TDRD7: variants seen among roughly 807,000 people sequenced by gnomAD.
TDRD7 encodes the protein tudor domain-containing protein 7.
Under a neutral mutation model 109.8 loss-of-function variants are expected in TDRD7, and 47 were observed. The observed-to-expected ratio is 0.43, with a 90% CI of 0.34 to 0.55. The LOEUF (loss-of-function observed/expected upper bound fraction) is 0.55. Among genes scored for constraint, TDRD7 ranks in the 20% least tolerant of loss-of-function variants. The pLI, the probability that TDRD7 is intolerant of heterozygous loss-of-function variation, is 0.03. For synonymous variants in TDRD7, 424 were observed against 457.3 expected (o/e 0.93, Z 0.93); for missense variants, 1,164 against 1,319.2 (o/e 0.88, Z 1.82).
intron 13 of TDRD7, among the ~76,000 whole-genome samples, chr9:97,479,119 C>T (rs1829071524): frequency 6.6e-6 from 1 of 151,970 alleles, no homozygotes; most frequent in African/African-American, 2.4e-5. Context: ...GGATTTTGTG[C>T]AGAAATTAAT....
chr9:97,475,581 T>A (rs1403619107), intron 12 of TDRD7, 112 bp downstream of exon 12: 3 of 819,510 alleles, frequency 3.7e-6, no homozygotes, highest in Admixed American at 2.0e-5. Flanking sequence ...ATCATCAGTT[T>A]ATGAAATAAA....
chr9:97,473,942 A>T (rs1278938072), intron 11 of TDRD7, among the ~76,000 whole-genome samples: 2 of 152,190 alleles, frequency 1.3e-5, no homozygotes, highest in African/African-American at 2.4e-5. Context: ...GCAGTTGATG[A>T]TGCCACAGTG....
At chr9:97,452,062 C>G (rs1373187879) in intron 6 of TDRD7, among the ~76,000 whole-genome samples, 1 of 152,178 alleles carries the variant, frequency 6.6e-6, no homozygotes, top group Non-Finnish European at 1.5e-5. Context: ...AAAAACCCCT[C>G]AGCTGGCCTG....
chr9:97,460,222 A>C lies in TDRD7; in HGVS notation c.900A>C (p.Pro300=), dbSNP rs1245735959. 1 of 1,614,222 alleles carries C rather than the reference A, an allele frequency of 6.2e-7. No homozygotes were observed. The highest frequency in any genetic ancestry group is 8.5e-7 in the Non-Finnish European group (1 of 1,180,042). Reference sequence around the variant, plus strand: ...GTGGCCAAGATTTACTTCTTTATCCAGCTAAGAGAAAGCAGCTTTTGAGAA... The same window carrying C: ...GTGGCCAAGATTTACTTCTTTATCCCGCTAAGAGAAAGCAGCTTTTGAGAA... ...CSGGQDLLLY[P]AKRKQLLRSE... The change falls in exon 7 of 17, where the codon CCA becomes CCC. Residue 300 remains proline, a synonymous_variant. Coordinates refer to ENST00000355295, the MANE Select transcript of TDRD7 (RefSeq NM_014290.3).
At chr9:97,415,412 C>G (rs1348951795) in intron 1 of TDRD7, among the ~76,000 whole-genome samples, 1 of 152,174 alleles carries the variant, frequency 6.6e-6, no homozygotes, top group African/African-American at 2.4e-5. Flanking sequence ...ACACCAAAAC[C>G]AGGTTCTTCA....
At chr9:97,437,417 A>G (rs1163704286) in intron 4 of TDRD7, among the ~76,000 whole-genome samples, 1 of 152,204 alleles carries the variant, frequency 6.6e-6, no homozygotes, top group African/African-American at 2.4e-5. Flanking sequence ...GTTCTTCCCA[A>G]CATGGCCATT....
At chr9:97,468,368 A>C (rs1828853740) in intron 8 of TDRD7, among the ~76,000 whole-genome samples, 1 of 152,258 alleles carries the variant, frequency 6.6e-6, no homozygotes, top group Admixed American at 6.5e-5. Context: ...AAAGCGTCTC[A>C]TAAAGAAGGG....
At chr9:97,423,782 T>C (rs1827937282) in intron 1 of TDRD7, among the ~76,000 whole-genome samples, 1 of 152,162 alleles carries the variant, frequency 6.6e-6, no homozygotes. Context: ...TATTTAGAAG[T>C]ATCTTGTTAA....
At chr9:97,441,915 C>T in intron 6 of TDRD7, 40 bp downstream of exon 6, 1 of 1,545,444 alleles carries the variant, frequency 6.5e-7, no homozygotes, top group Non-Finnish European at 8.9e-7. Flanking sequence ...TACCTCCTCC[C>T]TGCCCAACTT....
chr9:97,484,822 G>A (rs919728099), intron 15 of TDRD7, among the ~76,000 whole-genome samples: 2 of 152,124 alleles, frequency 1.3e-5, no homozygotes, highest in African/African-American at 2.4e-5. Flanking sequence ...CCAAACTAAT[G>A]TTCTGGGGGG....
At chr9:97,421,248 T>C (rs1376403173) in intron 1 of TDRD7, among the ~76,000 whole-genome samples, 2 of 152,242 alleles carry the variant, frequency 1.3e-5, no homozygotes, top group Non-Finnish European at 2.9e-5. Context: ...CACTTCGTAT[T>C]GTCAGTTTTT....
At chr9:97,434,841 A>G (rs921308778) in intron 4 of TDRD7, among the ~76,000 whole-genome samples, 4 of 152,214 alleles carry the variant, frequency 2.6e-5, no homozygotes, top group Non-Finnish European at 4.4e-5. Context: ...AAAAAGGAGT[A>G]ATGAACTATT....
chr9:97,426,639 G>C (rs1194638388), intron 1 of TDRD7, among the ~76,000 whole-genome samples: 1 of 152,144 alleles, frequency 6.6e-6, no homozygotes. Flanking sequence ...GGATTATCAA[G>C]ATATTACTAG....
intron 16 of TDRD7, among the ~76,000 whole-genome samples, chr9:97,489,920 G>A (rs1829272544): frequency 6.6e-6 from 1 of 152,068 alleles, no homozygotes; most frequent in African/African-American, 2.4e-5. Flanking sequence ...TTCATAGACA[G>A]TGCAAGTACT....
chr9:97,420,737 T>C (rs919984743), intron 1 of TDRD7, among the ~76,000 whole-genome samples: 3 of 152,230 alleles, frequency 2.0e-5, no homozygotes, highest in Non-Finnish European at 2.9e-5. Context: ...TGCTGTTATA[T>C]ACACACACAC....
intron 6 of TDRD7, among the ~76,000 whole-genome samples, chr9:97,447,746 C>T (rs1828426304): frequency 6.6e-6 from 1 of 151,876 alleles, no homozygotes; most frequent in Non-Finnish European, 1.5e-5. Context: ...ATAATGAGAG[C>T]AAGGAATGTG....
At chr9:97,457,663 C>G (rs1587877168) in intron 6 of TDRD7, among the ~76,000 whole-genome samples, 1 of 152,146 alleles carries the variant, frequency 6.6e-6, no homozygotes, top group African/African-American at 2.4e-5. Context: ...CAGGTGTGAG[C>G]CACTGCACCC....
intron 11 of TDRD7, 29 bp downstream of exon 11, chr9:97,473,655 A>T (rs765577613): frequency 9.3e-6 from 15 of 1,613,088 alleles, no homozygotes; most frequent in Non-Finnish European, 1.3e-5. Flanking sequence ...TACCTCTAAA[A>T]TTAGCCCTAA....
At chr9:97,487,709 C>CT (rs910378599) in intron 16 of TDRD7, among the ~76,000 whole-genome samples, 13 of 151,944 alleles carry the variant, frequency 8.6e-5, no homozygotes, top group African/African-American at 2.7e-4. Context: ...TGCAAAAATT[C>CT]TATCTAATCA....
Sources: allele counts gnomAD v4.1 joint callset (sites outside exome capture counted in the v4.1 genomes callset), GRCh38; gene constraint gnomAD v4.1.1; transcripts MANE v1.5; gene names NCBI Gene and HGNC (gene_info 2026-07-23, HGNC 2026-07-21).